Variants in ZFHX3 observed in about 807,000 individuals in gnomAD.
The protein encoded by ZFHX3 is zinc finger homeobox protein 3.
Under a neutral mutation model 279.1 loss-of-function variants are expected in ZFHX3, and 42 were observed. The ratio of observed to expected loss-of-function variants is 0.15; its 90% CI spans 0.12 to 0.19. ZFHX3 has a LOEUF of 0.19. ZFHX3 is among the 10% of genes least tolerant of loss of function. The pLI, the probability that ZFHX3 is intolerant of heterozygous loss-of-function variation, is 1.00. For missense variants in ZFHX3, 4,981 were observed against 4,754.0 expected (o/e 1.05, Z -1.40); for synonymous variants, 2,293 against 1,957.8 (o/e 1.17, Z -4.52).
chr16:72,792,143 GAGA>G (rs2035728484), intron 9 of ZFHX3, among the ~76,000 whole-genome samples: 1 of 152,160 alleles, frequency 6.6e-6, no homozygotes, highest in African/African-American at 2.4e-5. Context: ...TGTGAGGACA[GAGA>G]AGGAGAAACA....
At chr16:73,607,592 C>T (rs1373282080) in intron 2 of ZFHX3, among the ~76,000 whole-genome samples, 1 of 151,990 alleles carries the variant, frequency 6.6e-6, no homozygotes, top group Non-Finnish European at 1.5e-5. Flanking sequence ...GAAGATCCAA[C>T]GAGGGAACAA....
intron 8 of ZFHX3, among the ~76,000 whole-genome samples, chr16:73,069,775 C>T (rs1332855487): frequency 6.6e-6 from 1 of 152,188 alleles, no homozygotes; most frequent in Non-Finnish European, 1.5e-5. Flanking sequence ...ACTCCACTTC[C>T]CACGGGCTTT....
intron 4 of ZFHX3, among the ~76,000 whole-genome samples, chr16:73,303,963 GAAAAA>G (rs201865011): frequency 7.9e-5 from 6 of 76,122 alleles, no homozygotes; most frequent in African/African-American, 2.8e-4. Flanking sequence ...ACCCTAGGTG[GAAAAA>G]AAAAAAAAAA....
At chr16:73,802,083 G>A (rs189716318) in intron 1 of ZFHX3, among the ~76,000 whole-genome samples, 42 of 152,296 alleles carry the variant, frequency 2.8e-4, no homozygotes, top group African/African-American at 9.6e-4. Context: ...ATCAGTGACC[G>A]CAGTGATGTA....
intron 7 of ZFHX3, chr16:73,125,198 G>GTTTTTTTT (rs67029800): frequency 4.3e-5 from 5 of 115,020 alleles, no homozygotes; most frequent in Non-Finnish European, 5.1e-5. Context: ...GAATTGAGCT[G>GTTTTTTTT]TTTTTTTTTT....
intron 5 of ZFHX3, among the ~76,000 whole-genome samples, chr16:73,162,383 G>A (rs1798360765): frequency 6.6e-6 from 1 of 152,064 alleles, no homozygotes; most frequent in South Asian, 2.1e-4. Flanking sequence ...CCCCCACATG[G>A]GACTCTTTGG....
chr16:73,008,109 T>G (rs182892977), intron 1 of ZFHX3, among the ~76,000 whole-genome samples: 32 of 152,356 alleles, frequency 2.1e-4, no homozygotes, highest in Non-Finnish European at 3.7e-4. Context: ...TATCTTACAA[T>G]TCTTTTCTCC....
At chr16:73,387,725 T>C (rs1484283592) in intron 3 of ZFHX3, among the ~76,000 whole-genome samples, 3 of 152,076 alleles carry the variant, frequency 2.0e-5, no homozygotes, top group African/African-American at 7.2e-5. Context: ...GAACTGGTAA[T>C]AATTTATTTA....
At chr16:73,686,147 G>C (rs1405664144) in intron 1 of ZFHX3, among the ~76,000 whole-genome samples, 2 of 152,152 alleles carry the variant, frequency 1.3e-5, no homozygotes, top group African/African-American at 4.8e-5. Flanking sequence ...CCAGGCTGGA[G>C]TGCAGTGGCG....
chr16:73,009,379 A>G (rs1289036813), intron 1 of ZFHX3, among the ~76,000 whole-genome samples: 2 of 152,160 alleles, frequency 1.3e-5, no homozygotes, highest in Non-Finnish European at 2.9e-5. Flanking sequence ...CTGCACACAC[A>G]ACAGATTACA....
chr16:73,647,148 G>A (rs1035777107), intron 2 of ZFHX3, among the ~76,000 whole-genome samples: 2 of 151,992 alleles, frequency 1.3e-5, no homozygotes, highest in Non-Finnish European at 2.9e-5. Context: ...GAGCAGCTGG[G>A]ACTACAGGCG....
At chr16:73,051,231 C>T (rs182103342), upstream of ZFHX3, among the ~76,000 whole-genome samples, 136 of 152,168 alleles carry the variant, frequency 8.9e-4, no homozygotes, top group Middle Eastern at 3.4e-3. Context: ...TTAAATAACC[C>T]GGAGGCTTTA....
At chr16:73,690,618 T>G (rs1215015168) in intron 1 of ZFHX3, among the ~76,000 whole-genome samples, 2 of 152,346 alleles carry the variant, frequency 1.3e-5, no homozygotes, top group East Asian at 1.9e-4. Context: ...CTTCACCCCT[T>G]GAATCTGGGC....
At chr16:73,593,469 G>A (rs12443515) in intron 2 of ZFHX3, among the ~76,000 whole-genome samples, 1,685 of 151,288 alleles carry the variant, frequency 0.011, 36 homozygotes, top group African/African-American at 0.038. Flanking sequence ...TTTATCATTA[G>A]AAAATTAATT....
chr16:73,258,338 C>CAT (rs59013847), intron 4 of ZFHX3, among the ~76,000 whole-genome samples: 73,128 of 124,266 alleles, frequency 0.59, 18,947 homozygotes, highest in Non-Finnish European at 0.69. Context: ...TTTGCTATGA[C>CAT]ATATATATAT....
Position 73,848,538 on chromosome 16 carries a change from A to G in ZFHX3, c.-1608+43113T>C, listed in dbSNP as rs1315316774. Among the ~76,000 whole-genome samples the G allele has an allele frequency of 3.3e-5, 5 of 152,340 alleles. No homozygotes were observed. The East Asian group carries it at 7.7e-4, about 24-fold the overall frequency. On this transcript the variant is annotated intron_variant, in intron 1 of 17. Transcript: ENST00000641206. The stretch of plus-strand genomic sequence containing the variant: ...GAAACTCTCAAGGCCACATAATCCA[A>G]TGGATTTCTTTACTGCAGAATATTT...
chr16:72,804,131 A>C (rs1939361067), intron 7 of ZFHX3, among the ~76,000 whole-genome samples: 1 of 152,238 alleles, frequency 6.6e-6, no homozygotes, highest in Non-Finnish European at 1.5e-5. Context: ...AGTTTAAGTA[A>C]TTTTCATATA....
intron 3 of ZFHX3, among the ~76,000 whole-genome samples, chr16:73,453,041 C>A (rs1479960246): frequency 7.1e-6 from 1 of 140,518 alleles, no homozygotes; most frequent in Non-Finnish European, 1.5e-5. Flanking sequence ...CAAACCCACC[C>A]ACCCACCCAT....
chr16:73,192,216 C>G (rs759914256), intron 5 of ZFHX3, among the ~76,000 whole-genome samples: 4 of 152,148 alleles, frequency 2.6e-5, no homozygotes, highest in Non-Finnish European at 5.9e-5. Context: ...AACACCCTAT[C>G]CCACCGCCGT....
Sources: gnomAD v4.1 joint callset for allele counts (sites outside exome capture counted in the v4.1 genomes callset) on GRCh38, gnomAD v4.1.1 for gene constraint, MANE v1.5 for transcripts, NCBI Gene and HGNC (gene_info 2026-07-23, HGNC 2026-07-21) for gene names.